The following GPM6A variants were observed in gnomAD, a reference collection of about 807,000 sequenced individuals.
GPM6A encodes glycoprotein M6A.
Under a neutral mutation model 32.1 loss-of-function variants are expected in GPM6A, and 7 were observed. The ratio of observed to expected loss-of-function variants is 0.22; its 90% CI spans 0.12 to 0.41. The LOEUF (loss-of-function observed/expected upper bound fraction) is 0.41, where lower values mean the gene tolerates loss of function less well. Among genes scored for constraint, GPM6A ranks in the 10% least tolerant of loss-of-function variants. The probability of loss-of-function intolerance (pLI) is 1.00; values close to 1 mark genes in which losing one functional copy is unlikely to be tolerated. For missense variants in GPM6A, 235 were observed against 347.2 expected, an observed-to-expected ratio of 0.68 and a Z score of 2.57; for synonymous variants, 130 against 123.4, an observed-to-expected ratio of 1.05 and a Z score of -0.35.
intron 3 of GPM6A, among the ~76,000 whole-genome samples, chr4:175,659,053 C>T (rs1742249432): frequency 6.6e-6 from 1 of 151,090 alleles, no homozygotes; most frequent in Admixed American, 6.6e-5. Context: ...TAAATCCTGT[C>T]ATATGAGATA....
At chr4:175,650,130 C>T (rs535681152) in intron 4 of GPM6A, among the ~76,000 whole-genome samples, 3 of 151,980 alleles carry the variant, frequency 2.0e-5, no homozygotes, top group African/African-American at 4.8e-5. Flanking sequence ...TTGCCAAGAA[C>T]GTCACCCATA....
At position 175,754,441 on chromosome 4, in the gene GPM6A, C is replaced by T. The variant is rs10001667; in HGVS notation, c.38-52674G>A. ...AGAACATCTAAGGATAAAAATATCC[C>T]AAACTTCTAACTCTCTATATACAAA... On this transcript the variant is annotated intron_variant, in intron 1 of 6. Coordinates refer to ENST00000393658, the MANE Select transcript of GPM6A (RefSeq NM_201591.3). 2.9e-3 allele frequency among the ~76,000 whole-genome samples: 444 copies of T among 152,226 alleles called. 1 individual carries two copies. The highest frequency in any genetic ancestry group is 0.01 in the African/African-American group (430 of 41,556).
intron 1 of GPM6A, among the ~76,000 whole-genome samples, chr4:175,859,059 G>C (rs937185895): frequency 1.3e-5 from 2 of 152,126 alleles, no homozygotes; most frequent in African/African-American, 4.8e-5. Context: ...TGATTGCCTG[G>C]GGATGGAAGG....
intron 1 of GPM6A, among the ~76,000 whole-genome samples, chr4:175,851,094 C>T (rs979083418): frequency 6.6e-6 from 1 of 152,130 alleles, no homozygotes; most frequent in Non-Finnish European, 1.5e-5. Flanking sequence ...CATGGTGGCT[C>T]ATGCCTGTAA....
intron 1 of GPM6A, among the ~76,000 whole-genome samples, chr4:175,890,031 T>C (rs965947106): frequency 7.2e-5 from 11 of 151,936 alleles, no homozygotes; most frequent in African/African-American, 2.7e-4. Flanking sequence ...AAATTGGAAA[T>C]ACCAAATGGC....
At chr4:175,991,777 G>T (rs183638612) in intron 1 of GPM6A, among the ~76,000 whole-genome samples, 67 of 151,990 alleles carry the variant, frequency 4.4e-4, no homozygotes, top group African/African-American at 1.5e-3. Flanking sequence ...TCTGTTCCAT[G>T]CCCTGATATT....
rs1741101147 is a variant in GPM6A at position 175,640,887 on chromosome 4, G to A, written c.542-58C>T. 4.6e-6 allele frequency: 5 copies of A among 1,082,740 alleles called. No individual in the cohort carries two copies. The Admixed American group carries it at 5.8e-5, about 13-fold the overall frequency. The allele number at this position is 1,082,740 out of a possible 1,614,324, so 67.1% of individuals were successfully genotyped here. ...ATAAATGTTTTGAAGAGCCAAGAGAGAAAAAAATGAGTTTTTGCTAATCAA... is the reference window on the plus strand; with the variant it reads ...ATAAATGTTTTGAAGAGCCAAGAGAAAAAAAAATGAGTTTTTGCTAATCAA... On this transcript the variant is annotated intron_variant, in intron 4 of 6. Transcript: ENST00000393658.
At chr4:175,802,839 C>T (rs1734524373) in intron 1 of GPM6A, among the ~76,000 whole-genome samples, 1 of 151,968 alleles carries the variant, frequency 6.6e-6, no homozygotes, top group African/African-American at 2.4e-5. Flanking sequence ...GCCAGAATCA[C>T]AATGCTAAAA....
intron 1 of GPM6A, among the ~76,000 whole-genome samples, chr4:175,887,787 G>T (rs922236605): frequency 6.6e-6 from 1 of 151,792 alleles, no homozygotes; most frequent in Non-Finnish European, 1.5e-5. Context: ...CATATTTTAA[G>T]TGTTTCAAAA....
chr4:175,860,992 A>T (rs1736558076), intron 1 of GPM6A, among the ~76,000 whole-genome samples: 2 of 152,198 alleles, frequency 1.3e-5, no homozygotes, highest in South Asian at 4.1e-4. Context: ...AACAAAAAAA[A>T]ACACTAGGCC....
intron 1 of GPM6A, among the ~76,000 whole-genome samples, chr4:175,797,419 G>A (rs867897747): frequency 3.3e-5 from 5 of 152,138 alleles, no homozygotes; most frequent in African/African-American, 1.2e-4. Flanking sequence ...TACCAGCAAT[G>A]ATGTGTGATG....
chr4:175,790,717 A>G (rs1414395656), intron 1 of GPM6A, among the ~76,000 whole-genome samples: 3 of 152,184 alleles, frequency 2.0e-5, no homozygotes, highest in Non-Finnish European at 4.4e-5. Flanking sequence ...CCTTTTCGTT[A>G]TTGTTTTAAA....
At chr4:175,949,244 A>G (rs1355897393) in intron 1 of GPM6A, among the ~76,000 whole-genome samples, 1 of 152,174 alleles carries the variant, frequency 6.6e-6, no homozygotes, top group African/African-American at 2.4e-5. Context: ...CAATGAAAAT[A>G]TGTATATCCT....
chr4:175,760,413 A>C (rs531300455), intron 1 of GPM6A, among the ~76,000 whole-genome samples: 2 of 152,238 alleles, frequency 1.3e-5, no homozygotes. Context: ...AAGGCATCTG[A>C]GAAAAGATGA....
intron 1 of GPM6A, 46 bp downstream of exon 1, chr4:175,812,145 T>C: frequency 7.1e-7 from 1 of 1,412,170 alleles, no homozygotes. Context: ...ACAAGGAAAC[T>C]GCAAAATAAT....
intron 1 of GPM6A, chr4:175,947,781 T>C (rs1212313342): frequency 6.6e-6 from 1 of 152,190 alleles, no homozygotes; most frequent in African/African-American, 2.4e-5. Flanking sequence ...GAGGGCTGAG[T>C]ATATTTTTCA....
At position 175,640,780 on chromosome 4, in the gene GPM6A, A is replaced by G. The variant is rs761835317; in HGVS notation, c.591T>C (p.Asn197=). 6.2e-7 allele frequency: 1 copy of G among 1,610,226 alleles called. No homozygotes were observed. The highest frequency in any genetic ancestry group is 1.1e-5 in the South Asian group (1 of 91,016). ...CAGTAGATTCGCACATCCTCAAGAA[A>G]TTCTCAGAGACAGTACAAATTTTCT... The part of the protein sequence containing the change: ...EEKKICTVSE[N]FLRMCESTEL... The change falls in exon 5 of 7, where the codon AAT becomes AAC. Residue 197 remains asparagine, a synonymous_variant. Transcript: ENST00000393658.
chr4:175,640,678 T>C (rs1741089409), intron 5 of GPM6A, 75 bp downstream of exon 5: 1 of 998,726 alleles, frequency 1.0e-6, no homozygotes, highest in East Asian at 2.6e-5. Flanking sequence ...ATAGATTTAG[T>C]TTTAATACAT....
chr4:175,725,702 G>A (rs1433848021), intron 1 of GPM6A, among the ~76,000 whole-genome samples: 3 of 152,004 alleles, frequency 2.0e-5, no homozygotes, highest in Non-Finnish European at 4.4e-5. Flanking sequence ...CAATAAAAAC[G>A]GTATCAATGA....
Sources: allele counts gnomAD v4.1 joint callset (sites outside exome capture counted in the v4.1 genomes callset), GRCh38; gene constraint gnomAD v4.1.1; transcripts MANE v1.5; gene names NCBI Gene and HGNC (gene_info 2026-07-23, HGNC 2026-07-21).